Variants in GNAQ observed in about 807,000 individuals in gnomAD.
GNAQ encodes G protein subunit alpha q, also known as guanine nucleotide-binding protein G(q) subunit alpha.
GNAQ carries 8 observed loss-of-function variants against 43.9 expected under a neutral mutation model. The ratio of observed to expected loss-of-function variants is 0.18; its 90% CI spans 0.11 to 0.33. The LOEUF is 0.33. GNAQ is among the 10% of genes least tolerant of loss of function. The pLI is 1.00. For missense variants in GNAQ, 158 were observed against 450.8 expected (o/e 0.35, Z 5.88); for synonymous variants, 155 against 170.7 (o/e 0.91, Z 0.71).
chr9:77,966,672 A>G (rs1359629196), intron 1 of GNAQ, among the ~76,000 whole-genome samples: 2 of 152,228 alleles, frequency 1.3e-5, no homozygotes, highest in Non-Finnish European at 2.9e-5. Flanking sequence ...TAAAGTCAGG[A>G]AATTCAATGC....
intron 5 of GNAQ, among the ~76,000 whole-genome samples, chr9:77,760,520 C>T (rs1002577694): frequency 3.9e-5 from 6 of 152,142 alleles, no homozygotes; most frequent in Non-Finnish European, 5.9e-5. Context: ...TCAATGGTGC[C>T]CAAGATGGAG....
At chr9:77,738,111 G>A (rs909620327) in intron 5 of GNAQ, among the ~76,000 whole-genome samples, 1 of 152,196 alleles carries the variant, frequency 6.6e-6, no homozygotes, top group African/African-American at 2.4e-5. Flanking sequence ...AACAGAGGAC[G>A]TGGTGGTGTG....
chr9:77,843,238 G>A (rs1333896345), intron 2 of GNAQ, among the ~76,000 whole-genome samples: 1 of 152,086 alleles, frequency 6.6e-6, no homozygotes, highest in African/African-American at 2.4e-5. Context: ...CCTCCACCTT[G>A]AGCCATGCGG....
chr9:77,825,663 C>A (rs1220724556), intron 2 of GNAQ, among the ~76,000 whole-genome samples: 4 of 152,122 alleles, frequency 2.6e-5, no homozygotes, highest in African/African-American at 9.7e-5. Context: ...AGTGAGAAGT[C>A]TGTTTAACTG....
At chr9:78,014,234 G>T (rs981955599) in intron 1 of GNAQ, among the ~76,000 whole-genome samples, 1 of 152,040 alleles carries the variant, frequency 6.6e-6, no homozygotes, top group South Asian at 2.1e-4. Context: ...GAAATCAGAC[G>T]CCAATACACC....
In GNAQ at chr9:77,721,096, T is replaced by C. The variant is rs1825303301; in HGVS notation, c.*227A>G. ...CACAAGGTTTTGCCTAAAAAAAAGA[T>C]AGAGAGGAAATGTGCTGGGACTGTA... On this transcript the variant is annotated 3_prime_UTR_variant, in exon 7 of 7. Coordinates refer to ENST00000286548, the MANE Select transcript of GNAQ (RefSeq NM_002072.5). 3 of 401,690 alleles carry C rather than the reference T, an allele frequency of 7.5e-6. No homozygotes were observed. The highest frequency in any genetic ancestry group is 1.3e-5 in the Non-Finnish European group (3 of 227,590). The allele number at this position is 401,690 out of a possible 1,614,324, so 24.9% of individuals were successfully genotyped here. A position where few individuals can be genotyped will look rare whatever the true frequency, so the allele number is the denominator to read the frequency against.
intron 1 of GNAQ, among the ~76,000 whole-genome samples, chr9:77,926,223 T>C (rs1355728579): frequency 2.6e-5 from 4 of 152,194 alleles, no homozygotes; most frequent in Non-Finnish European, 4.4e-5. Flanking sequence ...CATTCTCCTA[T>C]TTTTATAGAA....
Position 77,747,999 on chromosome 9 carries a change from T to C in GNAQ, c.736-19332A>G, listed in dbSNP as rs543107118. On this transcript the variant is annotated intron_variant, in intron 5 of 6. Coordinates refer to ENST00000286548, the MANE Select transcript of GNAQ (RefSeq NM_002072.5). ...TGTGAACATTCCTCATGTTTAGATCTAGCAGGACAATGTGGCATAGAGAGG... is the reference window on the plus strand; with the variant it reads ...TGTGAACATTCCTCATGTTTAGATCCAGCAGGACAATGTGGCATAGAGAGG... Among the ~76,000 whole-genome samples the C allele has an allele frequency of 3.3e-5, 5 of 152,286 alleles. No homozygotes were observed. In the East Asian group the frequency reaches 9.7e-4, roughly 29 times the overall value.
intron 5 of GNAQ, among the ~76,000 whole-genome samples, chr9:77,745,471 GA>G (rs896071717): frequency 2.2e-4 from 32 of 148,154 alleles, no homozygotes; most frequent in East Asian, 5.9e-4. Flanking sequence ...CTTTAAAGTG[GA>G]AAAAAAAAAT....
intron 3 of GNAQ, among the ~76,000 whole-genome samples, chr9:77,809,852 T>C (rs1826890196): frequency 6.6e-6 from 1 of 152,126 alleles, no homozygotes; most frequent in African/African-American, 2.4e-5. Flanking sequence ...TGTCTGGATT[T>C]TGGGGGAGAG....
At chr9:78,003,864 T>G (rs1823674096) in intron 1 of GNAQ, among the ~76,000 whole-genome samples, 1 of 148,950 alleles carries the variant, frequency 6.7e-6, no homozygotes, top group African/African-American at 2.5e-5. Context: ...CACCATAAAC[T>G]GCACTTGTAA....
chr9:77,834,975 C>G (rs1587937997), intron 2 of GNAQ, among the ~76,000 whole-genome samples: 1 of 152,218 alleles, frequency 6.6e-6, no homozygotes, highest in East Asian at 1.9e-4. Flanking sequence ...ACAGTACTTC[C>G]CTCCTTACCT....
At chr9:77,860,701 C>T (rs114564934) in intron 2 of GNAQ, among the ~76,000 whole-genome samples, 2,404 of 152,212 alleles carry the variant, frequency 0.016, 59 homozygotes, top group African/African-American at 0.055. Flanking sequence ...TGGTCCATGG[C>T]GCGGGATGTT....
At position 77,920,096 on chromosome 9, in the gene GNAQ, G is replaced by A. The variant is rs1828974398; in HGVS notation, c.321+2065C>T. Among the ~76,000 whole-genome samples the A allele has an allele frequency of 2.6e-5, 4 of 151,630 alleles. No homozygotes were observed. The South Asian group carries it at 6.2e-4, about 24-fold the overall frequency. Reference sequence around the variant, plus strand: ...GCAGATTGCAGTGAGCTGAGATCGCGCCACTGCACTCCAGCCTGATGACAG... The same window carrying A: ...GCAGATTGCAGTGAGCTGAGATCGCACCACTGCACTCCAGCCTGATGACAG... On this transcript the variant is annotated intron_variant, in intron 2 of 6. Coordinates refer to ENST00000286548, the MANE Select transcript of GNAQ (RefSeq NM_002072.5).
At chr9:78,016,117 G>C (rs967193694) in intron 1 of GNAQ, among the ~76,000 whole-genome samples, 1 of 152,072 alleles carries the variant, frequency 6.6e-6, no homozygotes, top group Admixed American at 6.6e-5. Flanking sequence ...CAAAGTGTAA[G>C]ACCTAAAACT....
intron 2 of GNAQ, among the ~76,000 whole-genome samples, chr9:77,879,981 T>C (rs1828184275): frequency 6.6e-6 from 1 of 152,214 alleles, no homozygotes; most frequent in Non-Finnish European, 1.5e-5. Context: ...AGTTCAGTAA[T>C]TTGTTTAGTG....
intron 1 of GNAQ, among the ~76,000 whole-genome samples, chr9:78,008,772 C>T (rs553511149): frequency 6.6e-6 from 1 of 152,278 alleles, no homozygotes; most frequent in African/African-American, 2.4e-5. Flanking sequence ...GCACATGCCA[C>T]AACAGCCACC....
intron 1 of GNAQ, among the ~76,000 whole-genome samples, chr9:78,029,855 T>C (rs1824027814): frequency 6.6e-6 from 1 of 152,200 alleles, no homozygotes; most frequent in Non-Finnish European, 1.5e-5. Flanking sequence ...TTATTATACA[T>C]GCAAATACCC....
intron 2 of GNAQ, among the ~76,000 whole-genome samples, chr9:77,884,738 AC>A (rs1266662759): frequency 6.6e-5 from 10 of 152,042 alleles, no homozygotes; most frequent in Non-Finnish European, 1.2e-4. Context: ...ACACCCATCT[AC>A]CCCATCATAG....
Sources: allele counts gnomAD v4.1 joint callset (sites outside exome capture counted in the v4.1 genomes callset), GRCh38; gene constraint gnomAD v4.1.1; transcripts MANE v1.5; gene names NCBI Gene and HGNC (gene_info 2026-07-23, HGNC 2026-07-21).